The following NEK3 variants were observed in gnomAD, a reference collection of about 807,000 sequenced individuals.
The protein encoded by NEK3 is serine/threonine-protein kinase Nek3.
A neutral mutation model predicts 66.0 loss-of-function variants in NEK3; 54 were observed. That is an observed-to-expected ratio of 0.82 (90% CI 0.66 to 1.03). The LOEUF is 1.03. NEK3 is among the 50% of genes least tolerant of loss of function. The probability of loss-of-function intolerance (pLI) is 0.00; values close to 1 mark genes in which losing one functional copy is unlikely to be tolerated. For synonymous variants in NEK3, 200 were observed against 206.2 expected (o/e 0.97, Z 0.26); for missense variants, 593 against 603.0 (o/e 0.98, Z 0.17).
chr13:52,152,502 A>T (rs1308461926), intron 5 of NEK3, 107 bp downstream of exon 5: 5 of 596,882 alleles, frequency 8.4e-6, no homozygotes, highest in Non-Finnish European at 2.8e-6. Flanking sequence ...TAGGCTGACA[A>T]ATATTTCTAA....
chr13:52,144,798 G>C lies in NEK3; in HGVS notation c.697C>G (p.Leu233Val). The C allele has an allele frequency of 1.9e-6, 3 of 1,612,884 alleles. No homozygotes were observed. ...PSHYSYELQFLVKQMFKRNPS... is the reference protein window; with the variant it reads ...PSHYSYELQFVVKQMFKRNPS... Reference sequence around the variant, plus strand: ...TTCCTTTTAAACATCTGCTTGACTAGGAACTGAAGTTCATAGGAGTAATGA... The same window carrying C: ...TTCCTTTTAAACATCTGCTTGACTACGAACTGAAGTTCATAGGAGTAATGA... Residue 233 changes from leucine (L) to valine (V), a missense_variant, in exon 9 of 16, where the codon CTA becomes GTA. Physicochemically the swap from Leu to Val is conservative, Grantham distance 32. Transcript: ENST00000610828.
chr13:52,144,301 A>G (rs573201171), intron 9 of NEK3, among the ~76,000 whole-genome samples: 1 of 152,300 alleles, frequency 6.6e-6, no homozygotes, highest in East Asian at 1.9e-4. Context: ...CTGTAACCCC[A>G]GCCACTTGGG....
chr13:52,143,918 T>G lies in NEK3; in HGVS notation c.874A>C (p.Lys292Gln). The G allele has an allele frequency of 6.9e-7, 1 of 1,448,654 alleles. No individual in the cohort carries two copies. Among genetic ancestry groups the G allele is most frequent in the Admixed American group, 2.1e-5 (1 of 48,316 alleles). The allele number at this position is 1,448,654 out of a possible 1,614,324, so 89.7% of individuals were successfully genotyped here. The change falls in exon 10 of 16, where the codon AAA (lysine) becomes CAA (glutamine). Residue 292 changes from lysine (K) to glutamine (Q), a missense_variant. Physicochemically the swap from Lys to Gln is moderately conservative, Grantham distance 53. Transcript: ENST00000610828. ...AATACTCTGTCAAAATTCTTACTTT[T>G]TTTTCTTGGTGTGTTATGCTTCGAA... is the stretch of plus-strand genomic sequence containing the variant. ...KNSKHNTPRK[K>Q]TNPSRIRIAL... is the part of the protein sequence containing the mutation.
rs559339265 is a variant in NEK3 at position 52,134,615 on chromosome 13, T to C, written c.1310-800A>G. On this transcript the variant is annotated intron_variant, in intron 14 of 15. Coordinates refer to ENST00000610828, the MANE Select transcript of NEK3 (RefSeq NM_002498.3). ...TAACCTAAAAACATGGGCCGAATCT[T>C]CTAAAAGGCATTTCAAAATAGCACT... 7.9e-5 allele frequency among the ~76,000 whole-genome samples: 12 copies of C among 152,326 alleles called. 2 individuals are homozygous for C. In the South Asian group the frequency reaches 2.5e-3, roughly 32 times the overall value.
At chr13:52,152,803 G>GT in intron 4 of NEK3, 111 bp from the exon 5 acceptor site, 1 of 650,334 alleles carries the variant, frequency 1.5e-6, no homozygotes, top group Non-Finnish European at 2.7e-6. Flanking sequence ...TTTACGTAAT[G>GT]TGAGTACAGA....
At chr13:52,133,916 T>C in intron 14 of NEK3, 101 bp from the exon 15 acceptor site, 1 of 1,195,818 alleles carries the variant, frequency 8.4e-7, no homozygotes, top group Non-Finnish European at 1.2e-6. Context: ...CTGAGGACAA[T>C]GCCATGTCCC....
chr13:52,145,459 G>A (rs957860542), intron 8 of NEK3, among the ~76,000 whole-genome samples: 9 of 151,992 alleles, frequency 5.9e-5, no homozygotes, highest in African/African-American at 1.5e-4. Flanking sequence ...ATGTGCCACC[G>A]CGCCTGGCTA....
At chr13:52,136,719 T>G in intron 12 of NEK3, 81 bp downstream of exon 12, 1 of 753,744 alleles carries the variant, frequency 1.3e-6, no homozygotes, top group Non-Finnish European at 2.1e-6. Flanking sequence ...CTCTTGTTTA[T>G]GATATCTGAG....
In NEK3 at chr13:52,144,728, A is replaced by T. The variant is rs1255860795; in HGVS notation, c.767T>A (p.Ile256Asn). The change falls in exon 9 of 16, where the codon ATC becomes AAC. Residue 256 changes from isoleucine (I) to asparagine (N), a missense_variant. Transcript: ENST00000610828. ...PSATTLLSRG[I>N]VARLVQKCLP... ...GCACTTCTGGACAAGCCGAGCTACG[A>T]TGCCTCGAGAGAGAAGCGTTGTAGC... The T allele has an allele frequency of 1.2e-6, 2 of 1,613,842 alleles. No homozygotes were observed. The highest frequency in any genetic ancestry group is 1.3e-5 in the African/African-American group (1 of 74,936).
chr13:52,141,519 C>T (rs1018477963), intron 10 of NEK3, among the ~76,000 whole-genome samples: 1 of 152,078 alleles, frequency 6.6e-6, no homozygotes, highest in African/African-American at 2.4e-5. Flanking sequence ...AGGAGAGAAC[C>T]CTGGCAATTG....
intron 15 of NEK3, 133 bp downstream of exon 15, chr13:52,133,556 G>A: frequency 8.4e-7 from 1 of 1,194,032 alleles, no homozygotes; most frequent in Non-Finnish European, 1.1e-6. Context: ...ATCCATTTAT[G>A]ATGAAAAGTA....
chr13:52,154,556 A>G (rs969232153), intron 2 of NEK3, among the ~76,000 whole-genome samples: 5 of 151,960 alleles, frequency 3.3e-5, no homozygotes, highest in Admixed American at 3.3e-4. Flanking sequence ...CTAAAAGAAA[A>G]AAAAAAGGGA....
rs1286416865 is a variant in NEK3 at position 52,156,371 on chromosome 13, T to C, written c.-57-123A>G. 8.3e-6 allele frequency: 4 copies of C among 479,220 alleles called. No individual in the cohort carries two copies. The East Asian group carries it at 1.4e-4, about 17-fold the overall frequency. The allele number at this position is 479,220 out of a possible 1,614,324, so 29.7% of individuals were successfully genotyped here. ...AATTATTCCTTTTGAAGAGGATCAG[T>C]GTATGCTACCCCAAAATATGCCACT... On this transcript the variant is annotated intron_variant, in intron 1 of 15. Coordinates refer to ENST00000610828, the MANE Select transcript of NEK3 (RefSeq NM_002498.3).
At chr13:52,155,122 A>G (rs983905371) in intron 2 of NEK3, among the ~76,000 whole-genome samples, 4 of 152,040 alleles carry the variant, frequency 2.6e-5, no homozygotes, top group Non-Finnish European at 4.4e-5. Context: ...ACAGCAGTCC[A>G]TGTTTTAACA....
At chr13:52,153,853 G>T in intron 4 of NEK3, 42 bp downstream of exon 4, 1 of 1,296,464 alleles carries the variant, frequency 7.7e-7, no homozygotes, top group Non-Finnish European at 1.1e-6. Context: ...GAGAAAAGTG[G>T]CTTCTAAACC....
At chr13:52,143,542 T>A (rs997614015) in intron 10 of NEK3, among the ~76,000 whole-genome samples, 3 of 152,204 alleles carry the variant, frequency 2.0e-5, no homozygotes, top group African/African-American at 7.2e-5. Flanking sequence ...ATACGATGGT[T>A]CTTCAGAAAC....
At position 52,158,060 on chromosome 13, in the gene NEK3, A is replaced by G. The variant is rs555962349; in HGVS notation, c.-58+1483T>C. ...GCCCGGCTAATTTTGTATTTTTAGT[A>G]GAGACGCGGTTTCTCCATGTTGGTC... On this transcript the variant is annotated intron_variant, in intron 1 of 15. Transcript: ENST00000610828. Among the ~76,000 whole-genome samples, 4 of 152,282 alleles carry G rather than the reference A, an allele frequency of 2.6e-5. No individual in the cohort carries two copies. The South Asian group carries it at 8.3e-4, about 32-fold the overall frequency.
intron 2 of NEK3, 70 bp from the exon 3 acceptor site, chr13:52,154,243 G>A: frequency 1.0e-6 from 1 of 964,648 alleles, no homozygotes; most frequent in South Asian, 1.7e-5. Context: ...ACAATAACAT[G>A]GTTTATATGA....
intron 11 of NEK3, among the ~76,000 whole-genome samples, chr13:52,140,049 C>CAA (rs34051162): frequency 0.02 from 1,704 of 86,604 alleles, 47 homozygotes; most frequent in African/African-American, 0.027. Context: ...AAAAAAATGC[C>CAA]AAAAAAAAAA....
Sources: allele counts gnomAD v4.1 joint callset (sites outside exome capture counted in the v4.1 genomes callset), GRCh38; gene constraint gnomAD v4.1.1; transcripts MANE v1.5; gene names NCBI Gene and HGNC (gene_info 2026-07-23, HGNC 2026-07-21).